Variants in MKX observed in about 807,000 individuals in gnomAD.
MKX encodes mohawk homeobox, also known as homeobox protein Mohawk.
In MKX, 13 loss-of-function variants were observed where a neutral mutation model predicts 36.0. That is an observed-to-expected ratio of 0.36 (90% CI 0.24 to 0.57). MKX has a LOEUF of 0.57. MKX is among the 20% of genes least tolerant of loss of function. MKX has a pLI of 0.79. For synonymous variants in MKX, 176 were observed against 178.3 expected (o/e 0.99, Z 0.10); for missense variants, 458 against 456.4 (o/e 1.00, Z -0.03).
intron 5 of MKX, among the ~76,000 whole-genome samples, chr10:27,700,678 C>T (rs933934227): frequency 9.9e-5 from 15 of 152,126 alleles, no homozygotes; most frequent in Non-Finnish European, 1.6e-4. Context: ...ACTTATTATA[C>T]TCCCTAGTGA....
At chr10:27,707,944 T>C (rs538144523) in intron 5 of MKX, among the ~76,000 whole-genome samples, 49 of 152,092 alleles carry the variant, frequency 3.2e-4, no homozygotes, top group South Asian at 1.9e-3. Flanking sequence ...GGTAAACAGG[T>C]CTCTGCATTA....
intron 5 of MKX, among the ~76,000 whole-genome samples, chr10:27,701,741 TAGAG>T (rs1836660653): frequency 6.9e-6 from 1 of 145,344 alleles, no homozygotes; most frequent in African/African-American, 2.5e-5. Flanking sequence ...TTATATTATA[TAGAG>T]AATTATATAT....
intron 5 of MKX, among the ~76,000 whole-genome samples, chr10:27,677,302 C>T (rs1345407926): frequency 1.3e-5 from 2 of 152,232 alleles, no homozygotes; most frequent in South Asian, 2.1e-4. Flanking sequence ...CTTCCTTTTA[C>T]GCCCCCTGCC....
chr10:27,734,561 T>C lies in MKX; in HGVS notation c.733A>G (p.Thr245Ala). The C allele has an allele frequency of 6.2e-7, 1 of 1,614,186 alleles. No homozygotes were observed. The highest frequency in any genetic ancestry group is 1.7e-5 in the Admixed American group (1 of 60,026). The change falls in exon 5 of 7, where the codon ACA (threonine) becomes GCA (alanine). Residue 245 changes from threonine (T) to alanine (A), a missense_variant. By Grantham distance (58) the Thr-to-Ala change is moderately conservative. Transcript: ENST00000419761. ...MATNTTMMGK[T>A]RQRNHSGSFS... is the part of the protein sequence containing the mutation. ...GATCCCGAGTGGTTTCTTTGCCTTGTTTTTCCCATCATGGTAGTGTTCGTG... is the reference window on the plus strand; with the variant it reads ...GATCCCGAGTGGTTTCTTTGCCTTGCTTTTCCCATCATGGTAGTGTTCGTG...
At chr10:27,689,066 A>T (rs148790867) in intron 5 of MKX, among the ~76,000 whole-genome samples, 46 of 152,360 alleles carry the variant, frequency 3.0e-4, no homozygotes, top group Non-Finnish European at 5.9e-4. Flanking sequence ...TTGATACATG[A>T]ACTGTAGTGT....
chr10:27,691,316 C>T (rs529676113), intron 5 of MKX, among the ~76,000 whole-genome samples: 7 of 152,124 alleles, frequency 4.6e-5, no homozygotes, highest in South Asian at 2.1e-4. Flanking sequence ...TCAGGTGTTC[C>T]GATGTTGAGG....
intron 5 of MKX, among the ~76,000 whole-genome samples, chr10:27,682,916 T>C (rs1836280301): frequency 6.7e-6 from 1 of 148,420 alleles, no homozygotes. Context: ...GAGGCAGAGG[T>C]GGCAGTGAGC....
At chr10:27,693,877 C>T (rs959112045) in intron 5 of MKX, among the ~76,000 whole-genome samples, 1 of 152,098 alleles carries the variant, frequency 6.6e-6, no homozygotes, top group Non-Finnish European at 1.5e-5. Flanking sequence ...CCACAATTCC[C>T]ATGTGCAGTG....
chr10:27,677,649 A>G (rs1425313864), intron 5 of MKX, among the ~76,000 whole-genome samples: 1 of 152,212 alleles, frequency 6.6e-6, no homozygotes, highest in Non-Finnish European at 1.5e-5. Flanking sequence ...AGCTCTTTTC[A>G]CAACCCTTCA....
chr10:27,686,394 AAAGGAAGGAAGG>A (rs199641003), intron 5 of MKX, among the ~76,000 whole-genome samples: 8,336 of 122,770 alleles, frequency 0.068, 289 homozygotes, highest in East Asian at 0.15. Flanking sequence ...AAGGGAAGGG[AAAGGAAGGAAGG>A]AAGGAAGGAA....
At chr10:27,735,936 G>A (rs1311736844) in intron 3 of MKX, among the ~76,000 whole-genome samples, 3 of 152,228 alleles carry the variant, frequency 2.0e-5, no homozygotes, top group Non-Finnish European at 4.4e-5. Context: ...CATCAAACCT[G>A]TGGAACCAAG....
At chr10:27,711,604 CT>C (rs1301008955) in intron 5 of MKX, among the ~76,000 whole-genome samples, 3 of 140,866 alleles carry the variant, frequency 2.1e-5, no homozygotes, top group Non-Finnish European at 3.1e-5. Context: ...CTGGGTCTTG[CT>C]TTATTGTCCA....
chr10:27,711,461 TTCTTTCTTTC>T (rs1278167465), intron 5 of MKX, among the ~76,000 whole-genome samples: 2 of 9,594 alleles, frequency 2.1e-4, no homozygotes, highest in African/African-American at 5.6e-4. Flanking sequence ...CTTTCTTTCT[TTCTTTCTTTC>T]TTTCTTTCTT....
rs145097636 is a variant in MKX at position 27,714,740 on chromosome 10, G to C, written c.838+19716C>G. Among the ~76,000 whole-genome samples the C allele has an allele frequency of 3.8e-3, 574 of 152,288 alleles. 1 individual carries two copies. The highest frequency in any genetic ancestry group is 0.013 in the African/African-American group (554 of 41,556). ...ACTTATGAAACAGAAGTTGACTTATGCTGTACATATAACAAAACGATTTAT... is the reference window on the plus strand; with the variant it reads ...ACTTATGAAACAGAAGTTGACTTATCCTGTACATATAACAAAACGATTTAT... On this transcript the variant is annotated intron_variant, in intron 5 of 6. Coordinates refer to ENST00000419761, the MANE Select transcript of MKX (RefSeq NM_173576.3).
intron 5 of MKX, among the ~76,000 whole-genome samples, chr10:27,732,227 A>G (rs531484294): frequency 6.6e-6 from 1 of 152,294 alleles, no homozygotes; most frequent in Admixed American, 6.5e-5. Flanking sequence ...AAATGTATAA[A>G]ACACGAGCAT....
chr10:27,711,481 T>TCTCTC (rs1491358691), intron 5 of MKX, among the ~76,000 whole-genome samples: 7 of 17,708 alleles, frequency 4.0e-4, no homozygotes, highest in African/African-American at 1.1e-3. Context: ...CTTTCTTTCT[T>TCTCTC]TCTCTCTCTC....
At chr10:27,688,410 C>A (rs144407801) in intron 5 of MKX, among the ~76,000 whole-genome samples, 1 of 152,206 alleles carries the variant, frequency 6.6e-6, no homozygotes. Context: ...ACAAAAATGG[C>A]TTTTCTGATG....
chr10:27,711,433 TTC>T (rs1181196884), intron 5 of MKX, among the ~76,000 whole-genome samples: 2 of 70,126 alleles, frequency 2.9e-5, no homozygotes, highest in African/African-American at 7.4e-5. Context: ...TCTTTTCTCT[TTC>T]TTTCTTTCTT....
intron 5 of MKX, among the ~76,000 whole-genome samples, chr10:27,734,117 A>G (rs980777975): frequency 3.3e-5 from 5 of 152,150 alleles, no homozygotes; most frequent in African/African-American, 1.2e-4. Flanking sequence ...GTTATTCTGA[A>G]GATTAAAATT....
Sources: gnomAD v4.1 joint callset for allele counts (sites outside exome capture counted in the v4.1 genomes callset) on GRCh38, gnomAD v4.1.1 for gene constraint, MANE v1.5 for transcripts, NCBI Gene and HGNC (gene_info 2026-07-23, HGNC 2026-07-21) for gene names.